Variants in MRGBP observed in about 807,000 individuals in gnomAD.
MRGBP encodes MRG/MORF4L-binding protein.
In MRGBP, 5 loss-of-function variants were observed where a neutral mutation model predicts 21.5. The ratio of observed to expected loss-of-function variants is 0.23; its 90% CI spans 0.12 to 0.49. The LOEUF (loss-of-function observed/expected upper bound fraction) is 0.49. Ranked by LOEUF, MRGBP falls within the 20% of genes least tolerant of loss-of-function variation. The probability of loss-of-function intolerance (pLI) is 0.98; values close to 1 mark genes in which losing one functional copy is unlikely to be tolerated. For synonymous variants in MRGBP, 118 were observed against 104.4 expected (o/e 1.13, Z -0.79); for missense variants, 227 against 277.4 (o/e 0.82, Z 1.29).
Position 62,799,558 on chromosome 20 carries a change from G to A in MRGBP, c.530G>A (p.Arg177Gln). ...GGGTGCAAAGAAGGCGCAGACAAGC[G>A]GAAGCGCAGCCGGGTCACCGACAAA... Reference protein sequence around the residue: ...DLGCKEGADKRKRSRVTDKVL... With the variant: ...DLGCKEGADKQKRSRVTDKVL... The change falls in exon 5 of 5, where the codon CGG (arginine) becomes CAG (glutamine). Residue 177 changes from arginine to glutamine, a missense_variant. This residue lies in a region of MRGBP where 162 missense variants were observed against 227.7 expected (regional missense o/e 0.71). Transcript: ENST00000370487. 6.2e-7 allele frequency: 1 copy of A among 1,613,856 alleles called. No individual in the cohort carries two copies. The highest frequency in any genetic ancestry group is 1.1e-5 in the South Asian group (1 of 91,092).
intron 2 of MRGBP, 57 bp from the exon 3 acceptor site, chr20:62,798,530 T>A: frequency 6.7e-7 from 1 of 1,485,190 alleles, no homozygotes; most frequent in Non-Finnish European, 9.4e-7. Flanking sequence ...TCTAGTGACT[T>A]CTTGAAACTG....
Position 62,799,712 on chromosome 20 carries a change from T to G in MRGBP, c.*69T>G. 1 of 1,502,044 alleles carries G rather than the reference T, an allele frequency of 6.7e-7. No individual in the cohort carries two copies. The allele number at this position is 1,502,044 out of a possible 1,614,324, so 93.0% of individuals were successfully genotyped here. A position where few individuals can be genotyped will look rare whatever the true frequency, so the allele number is the denominator to read the frequency against. On this transcript the variant is annotated 3_prime_UTR_variant, in exon 5 of 5. Transcript: ENST00000370487. ...GGTCGCTGAGGGGGTTGGCTGGGTCTGAGTGCCACCCCCCAGGCCACAGTG... is the reference window on the plus strand; with the variant it reads ...GGTCGCTGAGGGGGTTGGCTGGGTCGGAGTGCCACCCCCCAGGCCACAGTG...
At chr20:62,798,464 C>T in intron 2 of MRGBP, 123 bp from the exon 3 acceptor site, 1 of 769,584 alleles carries the variant, frequency 1.3e-6, no homozygotes, top group East Asian at 2.6e-5. Flanking sequence ...CCCGCCGCAG[C>T]CTCCAACACA....
Position 62,799,159 on chromosome 20 carries a change from C to T in MRGBP, c.427+110C>T. 3 of 1,155,582 alleles carry T rather than the reference C, an allele frequency of 2.6e-6. No individual in the cohort carries two copies. The South Asian group carries it at 4.4e-5, about 17-fold the overall frequency. The allele number at this position is 1,155,582 out of a possible 1,614,324, so 71.6% of individuals were successfully genotyped here. A position where few individuals can be genotyped will look rare whatever the true frequency, so the allele number is the denominator to read the frequency against. On this transcript the variant is annotated intron_variant, in intron 4 of 4. Transcript: ENST00000370487. ...CGTAGAGCCTGCGGTGCAGAGGCCC[C>T]AGGCAGGTCATCTAGGCACAGGATG...
In MRGBP at chr20:62,797,100, C is replaced by T; in HGVS notation, c.149-10C>T. The T allele has an allele frequency of 6.3e-7, 1 of 1,590,744 alleles. No individual in the cohort carries two copies. Among genetic ancestry groups the T allele is most frequent in the Non-Finnish European group, 8.5e-7 (1 of 1,170,526 alleles). On this transcript the variant is annotated splice_polypyrimidine_tract_variant and intron_variant, in intron 1 of 4. Transcript: ENST00000370487. ...CTCACCGGTTATCCCGCCGCCCCTC[C>T]TCCCCTCAGGTGTGAACCGACACTT...
In MRGBP at chr20:62,796,578, G is replaced by C; in HGVS notation, c.55G>C (p.Glu19Gln). ...GGAAGDKGPG[E>Q]AATSPAEETV... ...CGCCGCAGGCGACAAGGGCCCGGGGGAGGCGGCCACCAGCCCGGCGGAGGA... is the reference window on the plus strand; with the variant it reads ...CGCCGCAGGCGACAAGGGCCCGGGGCAGGCGGCCACCAGCCCGGCGGAGGA... Residue 19 changes from glutamate to glutamine, a missense_variant, in exon 1 of 5, where the codon GAG becomes CAG. By Grantham distance (29) the Glu-to-Gln change is conservative. This residue lies in a region of MRGBP where 65 missense variants were observed against 49.7 expected (regional missense o/e 1.31). Coordinates refer to ENST00000370487, the MANE Select transcript of MRGBP (RefSeq NM_018270.6). 7.9e-7 allele frequency: 1 copy of C among 1,261,742 alleles called. No individual in the cohort carries two copies. The highest frequency in any genetic ancestry group is 1.0e-6 in the Non-Finnish European group (1 of 999,668). The allele number at this position is 1,261,742 out of a possible 1,614,324, so 78.2% of individuals were successfully genotyped here.
intron 4 of MRGBP, among the ~76,000 whole-genome samples, 178 bp downstream of exon 4, chr20:62,799,227 A>G (rs1990401974): frequency 6.6e-6 from 1 of 152,060 alleles, no homozygotes; most frequent in African/African-American, 2.4e-5. Flanking sequence ...TGCCTGCTCC[A>G]TGTTGTAGGC....
At chr20:62,799,140 G>A (rs1223099766) in intron 4 of MRGBP, 91 bp downstream of exon 4, 1 of 1,369,338 alleles carries the variant, frequency 7.3e-7, no homozygotes, top group East Asian at 2.5e-5. Flanking sequence ...TGGGCGTAGA[G>A]CCTGCGGTGC....
At chr20:62,797,648 G>A (rs1990365664) in intron 2 of MRGBP, among the ~76,000 whole-genome samples, 2 of 152,242 alleles carry the variant, frequency 1.3e-5, no homozygotes, top group Admixed American at 1.3e-4. Context: ...TTAGGCCATT[G>A]TCAGCCTCCT....
At chr20:62,798,493 C>T in intron 2 of MRGBP, 94 bp from the exon 3 acceptor site, 2 of 1,000,314 alleles carry the variant, frequency 2.0e-6, no homozygotes, top group South Asian at 1.3e-5. Flanking sequence ...TGCTCATTGG[C>T]CTCTCCCCAA....
chr20:62,799,363 C>T (rs1990405651), intron 4 of MRGBP, 93 bp from the exon 5 acceptor site: 5 of 1,349,630 alleles, frequency 3.7e-6, no homozygotes, highest in South Asian at 2.8e-5. Context: ...CAGAGGGTCA[C>T]GTGTCAGTAT....
In MRGBP at chr20:62,799,831, A is replaced by C. The variant is rs1022114938; in HGVS notation, c.*188A>C. ...GGGAAACGTGTGTGTCAGTTGGACC[A>C]TGTGGGACCCTGATGGACCTGAAAG... On this transcript the variant is annotated 3_prime_UTR_variant, in exon 5 of 5. Transcript: ENST00000370487. 1 of 619,908 alleles carries C rather than the reference A, an allele frequency of 1.6e-6. No homozygotes were observed. The highest frequency in any genetic ancestry group is 2.8e-5 in the East Asian group (1 of 35,868). The allele number at this position is 619,908 out of a possible 1,614,324, so 38.4% of individuals were successfully genotyped here.
At chr20:62,799,279 G>A (rs772708763) in intron 4 of MRGBP, among the ~76,000 whole-genome samples, 177 bp from the exon 5 acceptor site, 1 of 152,174 alleles carries the variant, frequency 6.6e-6, no homozygotes, top group Non-Finnish European at 1.5e-5. Context: ...GCCGCAGGCA[G>A]GTCCTCAGGA....
intron 2 of MRGBP, 98 bp from the exon 3 acceptor site, chr20:62,798,489 T>C (rs982173145): frequency 5.2e-6 from 5 of 961,574 alleles, no homozygotes; most frequent in African/African-American, 4.8e-5. Context: ...TGTGTGCTCA[T>C]TGGCCTCTCC....
rs956187095 is a variant in MRGBP, at chr20:62,800,800, G to A, written c.*1157G>A. ...ACTTCAAATACAAAATGTTAGGAGGGCAAAACGGTGCGGGCCCTCGTAGGT... is the reference window on the plus strand; with the variant it reads ...ACTTCAAATACAAAATGTTAGGAGGACAAAACGGTGCGGGCCCTCGTAGGT... On this transcript the variant is annotated 3_prime_UTR_variant, in exon 5 of 5. Transcript: ENST00000370487. 6 of 152,220 alleles carry A rather than the reference G, an allele frequency of 3.9e-5. No individual in the cohort carries two copies. The highest frequency in any genetic ancestry group is 1.4e-4 in the African/African-American group (6 of 41,454). 9.4% of individuals were successfully genotyped at this position (152,220 alleles called of 1,614,324 possible).
At position 62,799,743 on chromosome 20, in the gene MRGBP, A is replaced by G; in HGVS notation, c.*100A>G. 2 of 1,310,280 alleles carry G rather than the reference A, an allele frequency of 1.5e-6. No individual in the cohort carries two copies. Among genetic ancestry groups the G allele is most frequent in the Middle Eastern group, 5.5e-4 (2 of 3,606 alleles). 81.2% of individuals were successfully genotyped at this position (1,310,280 alleles called of 1,614,324 possible). A position where few individuals can be genotyped will look rare whatever the true frequency, so the allele number is the denominator to read the frequency against. On this transcript the variant is annotated 3_prime_UTR_variant, in exon 5 of 5. Transcript: ENST00000370487. ...CCACCCCCCAGGCCACAGTGATACC[A>G]TCCCAGTGCCATGAGCCCACACTGC...
At chr20:62,798,565 A>G (rs1239524792) in intron 2 of MRGBP, 22 bp from the exon 3 acceptor site, 2 of 1,605,510 alleles carry the variant, frequency 1.2e-6, no homozygotes, top group Non-Finnish European at 1.7e-6. Context: ...TTTCTTAAAC[A>G]AAACTCTCTA....
At chr20:62,798,937 C>G in intron 3 of MRGBP, 38 bp from the exon 4 acceptor site, 1 of 1,612,662 alleles carries the variant, frequency 6.2e-7, no homozygotes, top group Non-Finnish European at 8.5e-7. Flanking sequence ...CGGCCACCAC[C>G]GTGGGTTTTC....
At position 62,799,531 on chromosome 20, in the gene MRGBP, T is replaced by C. The variant is rs1371400229; in HGVS notation, c.503T>C (p.Leu168Ser). The change falls in exon 5 of 5, where the codon TTG becomes TCG. Residue 168 changes from leucine to serine, a missense_variant. Leu to Ser is a moderately radical substitution (Grantham distance 145, BLOSUM62 -2). Transcript: ENST00000370487. The stretch of plus-strand genomic sequence containing the variant: ...GACAAAGAGAAGAACTCCTCAGACT[T>C]GGGGTGCAAAGAAGGCGCAGACAAG... Reference protein sequence around the residue: ...SKDKEKNSSDLGCKEGADKRK... With the variant: ...SKDKEKNSSDSGCKEGADKRK... 6.2e-7 allele frequency: 1 copy of C among 1,613,808 alleles called. No individual in the cohort carries two copies. The highest frequency in any genetic ancestry group is 1.3e-5 in the African/African-American group (1 of 75,036).
Sources: gnomAD v4.1 joint callset for allele counts (sites outside exome capture counted in the v4.1 genomes callset) on GRCh38, gnomAD v4.1.1 for gene constraint, gnomAD v4.1.1 regional missense constraint, MANE v1.5 for transcripts, NCBI Gene and HGNC (gene_info 2026-07-23, HGNC 2026-07-21) for gene names.